Variants in CHD6 observed in about 807,000 individuals in gnomAD.
The protein encoded by CHD6 is chromodomain helicase DNA binding protein 6, also known as ATP-dependent chromatin remodeler CHD6.
Under a neutral mutation model 276.9 loss-of-function variants are expected in CHD6, and 50 were observed. That is an observed-to-expected ratio of 0.18 (90% confidence interval 0.14 to 0.23). CHD6 has a LOEUF of 0.23. Among genes scored for constraint, CHD6 ranks in the 10% least tolerant of loss-of-function variants. The probability of loss-of-function intolerance (pLI) is 1.00; values close to 1 mark genes in which losing one functional copy is unlikely to be tolerated. For synonymous variants in CHD6, 1,173 were observed against 1,229.3 expected (o/e 0.95, Z 0.96); for missense variants, 2,564 against 3,365.8 (o/e 0.76, Z 5.89).
At chr20:41,540,988 T>C (rs576387880) in intron 2 of CHD6, among the ~76,000 whole-genome samples, 1 of 147,774 alleles carries the variant, frequency 6.8e-6, no homozygotes, top group African/African-American at 2.4e-5. Flanking sequence ...TTCTGAAAGA[T>C]TTTTTTTAAA....
intron 1 of CHD6, among the ~76,000 whole-genome samples, chr20:41,553,080 A>G (rs1160457978): frequency 6.6e-6 from 1 of 152,210 alleles, no homozygotes; most frequent in Non-Finnish European, 1.5e-5. Flanking sequence ...GTTGTAGGTA[A>G]ATTATGTTAG....
intron 2 of CHD6, among the ~76,000 whole-genome samples, chr20:41,546,266 C>T (rs949959802): frequency 6.6e-6 from 1 of 152,134 alleles, no homozygotes; most frequent in African/African-American, 2.4e-5. Flanking sequence ...GAAAACTCTT[C>T]CCATCTTTAT....
At chr20:41,561,494 A>C (rs1328191027) in intron 1 of CHD6, among the ~76,000 whole-genome samples, 1 of 151,946 alleles carries the variant, frequency 6.6e-6, no homozygotes, top group Non-Finnish European at 1.5e-5. Flanking sequence ...GTCCTTCATC[A>C]TTGTCTCTAA....
At position 41,576,066 on chromosome 20, in the gene CHD6, C is replaced by CT. The variant is rs534871524; in HGVS notation, c.-23-24707dup. Among the ~76,000 whole-genome samples, 8 of 151,208 alleles carry CT rather than the reference C, an allele frequency of 5.3e-5. No homozygotes were observed. The South Asian group carries it at 6.3e-4, about 12-fold the overall frequency. ...TTTTAATATAGAGGAAAAATTAATT[C>CT]TTTTTTTTTCTTCAAGCAAAATTTA... is the stretch of plus-strand genomic sequence containing the variant. On this transcript the variant is annotated intron_variant, in intron 1 of 36. Coordinates refer to ENST00000373233, the MANE Select transcript of CHD6 (RefSeq NM_032221.5).
chr20:41,610,287 C>G (rs1045745093), intron 1 of CHD6, among the ~76,000 whole-genome samples: 1 of 151,902 alleles, frequency 6.6e-6, no homozygotes, highest in African/African-American at 2.4e-5. Context: ...ATTTGTATTC[C>G]CCATTTACAA....
In CHD6 at chr20:41,489,874, G is replaced by T; in HGVS notation, c.1584C>A (p.Phe528Leu). ...LSTITNWERE[F>L]RTWTEMNAIV... ...TGGCATTCATCTCTGTCCATGTCCG[G>T]AACTCCCGCTCCCAGTTAGTGATGG... The change falls in exon 12 of 37, where the codon TTC becomes TTA. Residue 528 changes from phenylalanine (F) to leucine (L), a missense_variant. Transcript: ENST00000373233. 2 of 1,613,974 alleles carry T rather than the reference G, an allele frequency of 1.2e-6. No homozygotes were observed. The highest frequency in any genetic ancestry group is 1.7e-6 in the Non-Finnish European group (2 of 1,179,950).
chr20:41,451,505 G>C (rs1414174336), intron 22 of CHD6, among the ~76,000 whole-genome samples: 1 of 152,170 alleles, frequency 6.6e-6, no homozygotes, highest in Non-Finnish European at 1.5e-5. Context: ...GGTGGGACAG[G>C]GACAGGATGG....
At chr20:41,472,044 C>T (rs1014380330) in intron 17 of CHD6, among the ~76,000 whole-genome samples, 5 of 148,876 alleles carry the variant, frequency 3.4e-5, no homozygotes, top group African/African-American at 1.3e-4. Flanking sequence ...GACCGGCATG[C>T]CCAACATAGC....
intron 2 of CHD6, among the ~76,000 whole-genome samples, chr20:41,540,675 C>A (rs1022191308): frequency 1.3e-5 from 2 of 152,154 alleles, no homozygotes; most frequent in Admixed American, 1.3e-4. Flanking sequence ...CACCTCCAAC[C>A]CAAGTAGTGA....
At chr20:41,497,189 T>C in intron 8 of CHD6, 195 bp downstream of exon 8, 2 of 560,728 alleles carry the variant, frequency 3.6e-6, no homozygotes, top group Non-Finnish European at 6.4e-6. Flanking sequence ...TTTATAAGGT[T>C]TGATCCTTAA....
Position 41,455,784 on chromosome 20 carries a change from A to C in CHD6, c.3009+16T>G, listed in dbSNP as rs1051013969. ...TCTCTCCCACCCCCAACAGCTCTGG[A>C]GAGAAGGCCCTGTACCTTGGCAAAA... On this transcript the variant is annotated intron_variant, in intron 19 of 36. Transcript: ENST00000373233. The C allele has an allele frequency of 2.8e-5, 42 of 1,506,034 alleles. No homozygotes were observed. Among genetic ancestry groups the C allele is most frequent in the Non-Finnish European group, 3.6e-5 (41 of 1,124,402 alleles). The allele number at this position is 1,506,034 out of a possible 1,614,324, so 93.3% of individuals were successfully genotyped here. A position where few individuals can be genotyped will look rare whatever the true frequency, so the allele number is the denominator to read the frequency against.
At chr20:41,600,959 A>G (rs1238931199) in intron 1 of CHD6, among the ~76,000 whole-genome samples, 1 of 152,224 alleles carries the variant, frequency 6.6e-6, no homozygotes, top group African/African-American at 2.4e-5. Context: ...CACTAGGAGA[A>G]AAAAGTGGAA....
chr20:41,598,554 ATC>A (rs1208315845), intron 1 of CHD6, among the ~76,000 whole-genome samples: 1 of 152,174 alleles, frequency 6.6e-6, no homozygotes. Flanking sequence ...GCTGTATGGT[ATC>A]TCTCTTCCAA....
At chr20:41,463,081 C>T (rs779729587) in intron 17 of CHD6, among the ~76,000 whole-genome samples, 3 of 152,058 alleles carry the variant, frequency 2.0e-5, no homozygotes, top group Non-Finnish European at 4.4e-5. Context: ...ACTTAAAGCT[C>T]GAAGAGACTC....
intron 1 of CHD6, chr20:41,614,729 T>C (rs189701179): frequency 6.6e-6 from 1 of 152,308 alleles, no homozygotes; most frequent in Non-Finnish European, 1.5e-5. Context: ...TTTATGGAAG[T>C]AACAGAATTT....
At chr20:41,545,930 C>A (rs956443690) in intron 2 of CHD6, among the ~76,000 whole-genome samples, 2 of 152,136 alleles carry the variant, frequency 1.3e-5, no homozygotes, top group Admixed American at 1.3e-4. Context: ...TTTGGTGGGG[C>A]TGACCTTCCC....
chr20:41,605,334 C>T (rs991653776), intron 1 of CHD6, among the ~76,000 whole-genome samples: 1 of 152,076 alleles, frequency 6.6e-6, no homozygotes, highest in Non-Finnish European at 1.5e-5. Flanking sequence ...TCTACAGGTT[C>T]CAACTCCCTT....
rs80107004 is a variant in CHD6, at chr20:41,542,145, G to A, written c.34-8575C>T. 5.9e-5 allele frequency among the ~76,000 whole-genome samples: 9 copies of A among 152,320 alleles called. No homozygotes were observed. The East Asian group carries it at 1.7e-3, about 29-fold the overall frequency. The stretch of plus-strand genomic sequence containing the variant: ...ACTCAATTTCCTAATCTGCCTAAGT[G>A]GAATGATGTTTGCTCCACCAACAAA... On this transcript the variant is annotated intron_variant, in intron 2 of 36. Transcript: ENST00000373233.
At chr20:41,578,263 A>C (rs2045495388) in intron 1 of CHD6, among the ~76,000 whole-genome samples, 1 of 152,200 alleles carries the variant, frequency 6.6e-6, no homozygotes, top group South Asian at 2.1e-4. Flanking sequence ...AACACATTCA[A>C]AAACAAATAG....
Sources: gnomAD v4.1 joint callset for allele counts (sites outside exome capture counted in the v4.1 genomes callset) on GRCh38, gnomAD v4.1.1 for gene constraint, MANE v1.5 for transcripts, NCBI Gene and HGNC (gene_info 2026-07-23, HGNC 2026-07-21) for gene names.